Variants in TMTC1 observed in about 807,000 individuals in gnomAD.
The protein encoded by TMTC1 is protein O-mannosyl-transferase TMTC1.
In TMTC1, 73 loss-of-function variants were observed where a neutral mutation model predicts 104.8. That is an observed-to-expected ratio of 0.70 (90% CI 0.58 to 0.85). The LOEUF is 0.85. Ranked by LOEUF, TMTC1 falls within the 40% of genes least tolerant of loss-of-function variation. The pLI is 0.00. For synonymous variants in TMTC1, 434 were observed against 428.7 expected, an observed-to-expected ratio of 1.01 and a Z score of -0.15; for missense variants, 1,035 against 1,096.1, an observed-to-expected ratio of 0.94 and a Z score of 0.79.
At chr12:29,528,380 C>A (rs1433073284) in intron 11 of TMTC1, among the ~76,000 whole-genome samples, 2 of 152,092 alleles carry the variant, frequency 1.3e-5, no homozygotes, top group African/African-American at 2.4e-5. Context: ...AGCCATCCTG[C>A]GAAATTGGCC....
At chr12:29,555,621 A>G (rs1442895569) in intron 10 of TMTC1, among the ~76,000 whole-genome samples, 5 of 150,390 alleles carry the variant, frequency 3.3e-5, no homozygotes, top group African/African-American at 1.2e-4. Context: ...GATGGTTTCC[A>G]GCTTCATCCA....
chr12:29,733,348 G>C (rs935897867), intron 5 of TMTC1, among the ~76,000 whole-genome samples: 5 of 151,898 alleles, frequency 3.3e-5, no homozygotes, highest in Non-Finnish European at 7.4e-5. Flanking sequence ...GAATCCTGAG[G>C]GGGTAACTGC....
chr12:29,556,020 CT>C (rs1398266747), intron 10 of TMTC1, among the ~76,000 whole-genome samples: 1 of 151,690 alleles, frequency 6.6e-6, no homozygotes. Flanking sequence ...TCATTTTTAC[CT>C]TTTAAATTTC....
rs1371631216 is a variant in TMTC1, at chr12:29,516,351, T to C, written c.2305A>G (p.Lys769Glu). Residue 769 changes from lysine (K) to glutamate (E), a missense_variant and splice_region_variant, in exon 15 of 18, where the codon AAG (lysine) becomes GAG (glutamate). By Grantham distance (56) the Lys-to-Glu change is moderately conservative. Coordinates refer to ENST00000539277, the MANE Select transcript of TMTC1 (RefSeq NM_001193451.2). ...CTCTAAACAATGTCCTTCTTTACCTTGTCGTGGTTCTCCTGCTTGCTATAG... is the reference window on the plus strand; with the variant it reads ...CTCTAAACAATGTCCTTCTTTACCTCGTCGTGGTTCTCCTGCTTGCTATAG... Reference protein sequence around the residue: ...AIYSKQENHDKALDAIDKALQ... With the variant: ...AIYSKQENHDEALDAIDKALQ... The C allele has an allele frequency of 3.7e-6, 6 of 1,612,940 alleles. No individual in the cohort carries two copies. The highest frequency in any genetic ancestry group is 5.1e-6 in the Non-Finnish European group (6 of 1,179,322).
chr12:29,637,857 T>C (rs1225122068), intron 5 of TMTC1, among the ~76,000 whole-genome samples: 1 of 152,234 alleles, frequency 6.6e-6, no homozygotes, highest in Non-Finnish European at 1.5e-5. Context: ...TTGCTTGCTT[T>C]ACATAAAAAA....
chr12:29,581,285 CA>C (rs1945972914), intron 8 of TMTC1, among the ~76,000 whole-genome samples: 1 of 152,194 alleles, frequency 6.6e-6, no homozygotes, highest in African/African-American at 2.4e-5. Context: ...GGAAAAAGAA[CA>C]GTCTTAATAG....
At chr12:29,605,683 T>G (rs933425466) in intron 6 of TMTC1, among the ~76,000 whole-genome samples, 2 of 152,228 alleles carry the variant, frequency 1.3e-5, no homozygotes, top group African/African-American at 4.8e-5. Context: ...TTTGAGAATT[T>G]AAACTGTATA....
intron 5 of TMTC1, among the ~76,000 whole-genome samples, chr12:29,694,968 A>G (rs1941375021): frequency 1.3e-5 from 2 of 151,864 alleles, no homozygotes; most frequent in Non-Finnish European, 1.5e-5. Flanking sequence ...AAAACAAAAA[A>G]ACCTGCAACA....
chr12:29,574,628 T>C (rs1945771366), intron 8 of TMTC1, among the ~76,000 whole-genome samples: 1 of 152,174 alleles, frequency 6.6e-6, no homozygotes, highest in Non-Finnish European at 1.5e-5. Flanking sequence ...TCGCAGATGG[T>C]CACATTCTAG....
At chr12:29,545,225 C>T (rs1248413445) in intron 10 of TMTC1, among the ~76,000 whole-genome samples, 1 of 152,084 alleles carries the variant, frequency 6.6e-6, no homozygotes, top group Non-Finnish European at 1.5e-5. Flanking sequence ...TCAAGTTCTT[C>T]TCTGGTCTTC....
chr12:29,658,306 G>C (rs1159077006), intron 5 of TMTC1: 1 of 152,024 alleles, frequency 6.6e-6, no homozygotes, highest in Non-Finnish European at 1.5e-5. Context: ...TTTTAGAAGA[G>C]TGCATCTTAA....
At chr12:29,765,783 C>G (rs1943450093) in intron 2 of TMTC1, among the ~76,000 whole-genome samples, 1 of 152,186 alleles carries the variant, frequency 6.6e-6, no homozygotes, top group African/African-American at 2.4e-5. Flanking sequence ...CAGGTACCAA[C>G]TATTCCTAGC....
intron 2 of TMTC1, among the ~76,000 whole-genome samples, chr12:29,765,416 T>C (rs1054729424): frequency 1.3e-5 from 2 of 152,126 alleles, no homozygotes; most frequent in Admixed American, 6.5e-5. Context: ...AGACACTTCA[T>C]ACCCTTTCTC....
In TMTC1 at chr12:29,706,916, G is replaced by A. The variant is rs78049258; in HGVS notation, c.938+44750C>T. 6.1e-3 allele frequency among the ~76,000 whole-genome samples: 934 copies of A among 152,256 alleles called. 10 individuals are homozygous for A. The highest frequency in any genetic ancestry group is 0.02 in the African/African-American group (822 of 41,538). On this transcript the variant is annotated intron_variant, in intron 5 of 17. Transcript: ENST00000539277. The stretch of plus-strand genomic sequence containing the variant: ...AAATATAAAAAACAGCTGGCATGGG[G>A]AGGGGAGAAGTACAAAGACAGGATT...
intron 6 of TMTC1, among the ~76,000 whole-genome samples, chr12:29,606,815 A>T (rs1316670569): frequency 9.2e-5 from 14 of 151,634 alleles, no homozygotes; most frequent in Admixed American, 9.2e-4. Context: ...CCAGCATCAC[A>T]CGTTCTTACC....
rs1025073650 is a variant in TMTC1 at position 29,710,703 on chromosome 12, ATATG to A, written c.938+40959_938+40962del. ...TATTTATAATTTTATATATTTATAA[ATATG>A]TATTTATAATTTTATATATTATTAA... On this transcript the variant is annotated intron_variant, in intron 5 of 17. Transcript: ENST00000539277. 1.6e-3 allele frequency among the ~76,000 whole-genome samples: 217 copies of A among 138,902 alleles called. 1 individual carries two copies. The highest frequency in any genetic ancestry group is 5.5e-3 in the African/African-American group (206 of 37,734). The allele number at this position is 138,902 out of a possible 152,430, so 91.1% of individuals were successfully genotyped here. A position where few individuals can be genotyped will look rare whatever the true frequency, so the allele number is the denominator to read the frequency against.
At chr12:29,594,160 A>C (rs1291317542) in intron 7 of TMTC1, among the ~76,000 whole-genome samples, 1 of 152,178 alleles carries the variant, frequency 6.6e-6, no homozygotes, top group Non-Finnish European at 1.5e-5. Context: ...AAGACCTTTG[A>C]TCAAAGCTGA....
intron 5 of TMTC1, among the ~76,000 whole-genome samples, chr12:29,643,275 C>A (rs181765527): frequency 3.9e-4 from 59 of 151,470 alleles, no homozygotes; most frequent in African/African-American, 1.4e-3. Context: ...CCATTTGATG[C>A]AGCAATCCCA....
Position 29,664,043 on chromosome 12 carries a change from C to T in TMTC1, c.939-30707G>A, listed in dbSNP as rs565513700. ...TCTACTAAAAATACAAAAAATTAGC[C>T]GGGCGTAGTGGCGGGCGCCTGTAGT... On this transcript the variant is annotated intron_variant, in intron 5 of 17. Coordinates refer to ENST00000539277, the MANE Select transcript of TMTC1 (RefSeq NM_001193451.2). Among the ~76,000 whole-genome samples the T allele has an allele frequency of 2.7e-3, 405 of 150,900 alleles. 1 individual carries two copies. The highest frequency in any genetic ancestry group is 3.9e-3 in the Non-Finnish European group (261 of 67,544).
Sources: gnomAD v4.1 joint callset for allele counts (sites outside exome capture counted in the v4.1 genomes callset) on GRCh38, gnomAD v4.1.1 for gene constraint, MANE v1.5 for transcripts, NCBI Gene and HGNC (gene_info 2026-07-23, HGNC 2026-07-21) for gene names.